SLC60A2: variants seen among roughly 807,000 people sequenced by gnomAD.
The protein encoded by SLC60A2 is solute carrier family 60 member 2.
At chr6:111,262,166 C>A in the SLC60A2 span, 1 of 1,039,542 alleles carries the variant, frequency 9.6e-7, no homozygotes, top group Non-Finnish European at 1.4e-6. Context: ...ACCCTCCGCC[C>A]CCCTTTTTTT....
the SLC60A2 span, chr6:111,262,127 A>C: frequency 1.5e-6 from 1 of 652,436 alleles, no homozygotes; most frequent in Non-Finnish European, 2.5e-6. Flanking sequence ...ACAGTAGTCT[A>C]ATTCCCTACA....
the SLC60A2 span, chr6:111,271,154 G>A: frequency 3.2e-5 from 4 of 123,688 alleles, no homozygotes; most frequent in African/African-American, 6.2e-5. Flanking sequence ...GGCAACAGAG[G>A]GAGACTCCAT....
At chr6:111,264,484 A>T in the SLC60A2 span, among the ~76,000 whole-genome samples, 2 of 151,980 alleles carry the variant, frequency 1.3e-5, no homozygotes, top group East Asian at 3.9e-4. Context: ...TATCATCATC[A>T]TGTCTTTTAA....
the SLC60A2 span, among the ~76,000 whole-genome samples, chr6:111,262,999 G>A: frequency 6.6e-6 from 1 of 151,932 alleles, no homozygotes; most frequent in Admixed American, 6.6e-5. Context: ...GTGCAGTGAT[G>A]CGATCTCTGC....
the SLC60A2 span, among the ~76,000 whole-genome samples, chr6:111,273,422 G>T: frequency 6.6e-6 from 1 of 152,002 alleles, no homozygotes; most frequent in Non-Finnish European, 1.5e-5. Context: ...TGGGATTACA[G>T]GTATGAGGTA....
At chr6:111,267,031 C>T in the SLC60A2 span, 2 of 1,614,034 alleles carry the variant, frequency 1.2e-6, no homozygotes, top group African/African-American at 2.7e-5. Context: ...CCATCAAATG[C>T]ACTGGTGTTT....
the SLC60A2 span, chr6:111,262,127 A>G: frequency 4.6e-6 from 3 of 652,318 alleles, no homozygotes; most frequent in Admixed American, 3.3e-5. Flanking sequence ...ACAGTAGTCT[A>G]ATTCCCTACA....
the SLC60A2 span, among the ~76,000 whole-genome samples, chr6:111,276,418 A>G: frequency 6.6e-6 from 1 of 152,250 alleles, no homozygotes; most frequent in African/African-American, 2.4e-5. Context: ...GAATAAACAC[A>G]TACTTTTAAG....
the SLC60A2 span, among the ~76,000 whole-genome samples, chr6:111,262,692 A>G: frequency 1.3e-5 from 2 of 151,818 alleles, no homozygotes; most frequent in African/African-American, 4.8e-5. Flanking sequence ...TTTAGCTACC[A>G]CTCCTGGATC....
the SLC60A2 span, among the ~76,000 whole-genome samples, chr6:111,264,787 C>CAAAAA: frequency 1.7e-5 from 2 of 121,012 alleles, no homozygotes; most frequent in African/African-American, 3.4e-5. Context: ...GACTCCATCT[C>CAAAAA]AAAAAAAAAA....
the SLC60A2 span, among the ~76,000 whole-genome samples, chr6:111,260,196 CCACG>C: frequency 3.3e-5 from 5 of 152,238 alleles, no homozygotes; most frequent in Non-Finnish European, 5.9e-5. Flanking sequence ...CCGGCGTGAG[CCACG>C]GCGCCCGGCC....
chr6:111,264,526 ACACCTGTAATC>A, the SLC60A2 span, among the ~76,000 whole-genome samples: 1 of 152,094 alleles, frequency 6.6e-6, no homozygotes, highest in Non-Finnish European at 1.5e-5. Flanking sequence ...GCGGTGGCTC[ACACCTGTAATC>A]CAGCACTTTG....
At chr6:111,259,763 C>T in the SLC60A2 span, 1 of 1,549,696 alleles carries the variant, frequency 6.5e-7, no homozygotes, top group Non-Finnish European at 8.7e-7. Flanking sequence ...CAGGCCGGGG[C>T]GTTCGAGTCT....
the SLC60A2 span, chr6:111,259,751 C>A: frequency 2.6e-6 from 4 of 1,565,620 alleles, no homozygotes; most frequent in Admixed American, 5.8e-5. Flanking sequence ...CTGCAACACT[C>A]CCAGGCCGGG....
chr6:111,259,607 G>A, the SLC60A2 span: 2 of 1,396,130 alleles, frequency 1.4e-6, no homozygotes, highest in Non-Finnish European at 1.9e-6. Flanking sequence ...TGCAGGCGGA[G>A]GCCCCGGCGG....
the SLC60A2 span, among the ~76,000 whole-genome samples, chr6:111,265,642 G>T: frequency 6.6e-6 from 1 of 152,112 alleles, no homozygotes; most frequent in Admixed American, 6.6e-5. Flanking sequence ...TAGTCTACTA[G>T]ACTGTAGAAT....
the SLC60A2 span, chr6:111,265,368 C>T: frequency 2.6e-5 from 26 of 985,196 alleles, no homozygotes; most frequent in Non-Finnish European, 3.0e-5. Flanking sequence ...CTTGTTTCCT[C>T]TAATGGGCAT....
chr6:111,260,207 G>GGCCC, the SLC60A2 span, among the ~76,000 whole-genome samples: 1 of 152,206 alleles, frequency 6.6e-6, no homozygotes, highest in South Asian at 2.1e-4. Flanking sequence ...CACGGCGCCC[G>GGCCC]GCCCGGCAAG....
the SLC60A2 span, among the ~76,000 whole-genome samples, chr6:111,278,962 T>C: frequency 8.5e-5 from 13 of 152,220 alleles, no homozygotes; most frequent in Admixed American, 2.6e-4. Context: ...TCCAGTGGTT[T>C]TCAAACCTGG....
Sources: gnomAD v4.1 joint callset for allele counts (sites outside exome capture counted in the v4.1 genomes callset) on GRCh38, gnomAD v4.1.1 for gene constraint, MANE v1.5 for transcripts, NCBI Gene and HGNC (gene_info 2026-07-23, HGNC 2026-07-21) for gene names.